The following SLC25A12 variants were observed in gnomAD, a reference collection of about 807,000 sequenced individuals.
SLC25A12 encodes electrogenic aspartate/glutamate antiporter SLC25A12, mitochondrial.
SLC25A12 carries 32 observed loss-of-function variants against 83.3 expected under a neutral mutation model. That is an observed-to-expected ratio of 0.38 (90% confidence interval 0.29 to 0.52). The LOEUF is 0.52. Ranked by LOEUF, SLC25A12 falls within the 20% of genes least tolerant of loss-of-function variation. The probability of loss-of-function intolerance (pLI) is 0.84; values close to 1 mark genes in which losing one functional copy is unlikely to be tolerated. For missense variants in SLC25A12, 611 were observed against 835.6 expected (o/e 0.73, Z 3.31); for synonymous variants, 267 against 291.1 (o/e 0.92, Z 0.84).
chr2:171,866,791 G>T (rs1454685594), intron 3 of SLC25A12, among the ~76,000 whole-genome samples: 21 of 142,006 alleles, frequency 1.5e-4, no homozygotes, highest in African/African-American at 4.4e-4. Flanking sequence ...CCTCCCGGAC[G>T]GGGCGGCTGG....
intron 9 of SLC25A12, among the ~76,000 whole-genome samples, chr2:171,818,112 TA>T (rs2105868412): frequency 6.6e-6 from 1 of 152,322 alleles, no homozygotes; most frequent in Non-Finnish European, 1.5e-5. Context: ...TAAATTAATG[TA>T]ATTAATGCTA....
chr2:171,843,621 G>A (rs1041109494), intron 5 of SLC25A12, among the ~76,000 whole-genome samples: 4 of 151,798 alleles, frequency 2.6e-5, no homozygotes, highest in Admixed American at 1.3e-4. Context: ...AACAGAGCCA[G>A]ACTCTGTCTC....
intron 11 of SLC25A12, among the ~76,000 whole-genome samples, chr2:171,812,045 T>C (rs1683955732): frequency 6.6e-6 from 1 of 152,230 alleles, no homozygotes; most frequent in Non-Finnish European, 1.5e-5. Flanking sequence ...TTCTGGATAT[T>C]GTACGCCTTT....
chr2:171,855,538 G>T (rs1185085851), intron 4 of SLC25A12, among the ~76,000 whole-genome samples: 1 of 151,858 alleles, frequency 6.6e-6, no homozygotes, highest in Non-Finnish European at 1.5e-5. Context: ...GACCTTGTAA[G>T]GAATTTTGCC....
chr2:171,867,587 G>A (rs1685362538), intron 3 of SLC25A12, among the ~76,000 whole-genome samples: 1 of 152,164 alleles, frequency 6.6e-6, no homozygotes, highest in African/African-American at 2.4e-5. Flanking sequence ...GTCCAGCTTC[G>A]GCTCGGCATC....
chr2:171,874,449 C>G (rs773307929), intron 2 of SLC25A12, among the ~76,000 whole-genome samples: 1 of 152,128 alleles, frequency 6.6e-6, no homozygotes, highest in African/African-American at 2.4e-5. Context: ...GATCTTTGTT[C>G]TCGCTCTTCA....
At chr2:171,890,585 A>T (rs1402139545) in intron 2 of SLC25A12, among the ~76,000 whole-genome samples, 1 of 152,050 alleles carries the variant, frequency 6.6e-6, no homozygotes, top group Non-Finnish European at 1.5e-5. Context: ...AGGATCAAGC[A>T]ATCCTCCTAC....
In SLC25A12 at chr2:171,855,797, C is replaced by G. The variant is rs770773250; in HGVS notation, c.325+37G>C. The G allele has an allele frequency of 6.0e-6, 7 of 1,159,094 alleles. No homozygotes were observed. In the South Asian group the frequency reaches 8.5e-5, roughly 14 times the overall value. 71.8% of individuals were successfully genotyped at this position (1,159,094 alleles called of 1,614,324 possible). Reference sequence around the variant, plus strand: ...CAGCAATTGAAGACTGGACCAGCATCATTAACTTATCACTTATAATCTTCT... The same window carrying G: ...CAGCAATTGAAGACTGGACCAGCATGATTAACTTATCACTTATAATCTTCT... On this transcript the variant is annotated intron_variant, in intron 4 of 17. Coordinates refer to ENST00000422440, the MANE Select transcript of SLC25A12 (RefSeq NM_003705.5).
Position 171,837,148 on chromosome 2 carries a change from A to G in SLC25A12, c.585T>C (p.Thr195=). 1 of 1,614,072 alleles carries G rather than the reference A, an allele frequency of 6.2e-7. No individual in the cohort carries two copies. Among genetic ancestry groups the G allele is most frequent in the South Asian group, 1.1e-5 (1 of 91,082 alleles). ...AAACTAAGTTCTCCTCCACAAAAGGAGTAAGCATGTGAGATCTAATGGTAA... is the reference window on the plus strand; with the variant it reads ...AAACTAAGTTCTCCTCCACAAAAGGGGTAAGCATGTGAGATCTAATGGTAA... ...IMVTIRSHML[T]PFVEENLVSA... Residue 195 remains threonine (T), a synonymous_variant, in exon 6 of 18, where the codon ACT becomes ACC. Coordinates refer to ENST00000422440, the MANE Select transcript of SLC25A12 (RefSeq NM_003705.5).
chr2:171,822,926 G>A (rs1460629409), intron 9 of SLC25A12, among the ~76,000 whole-genome samples: 1 of 152,180 alleles, frequency 6.6e-6, no homozygotes, highest in Non-Finnish European at 1.5e-5. Flanking sequence ...CATAATAAAT[G>A]TAAGTAATTA....
chr2:171,826,962 A>G, intron 8 of SLC25A12, 80 bp from the exon 9 acceptor site: 1 of 803,566 alleles, frequency 1.2e-6, no homozygotes, highest in Non-Finnish European at 2.2e-6. Flanking sequence ...AAAAAAAAAA[A>G]CAAAAAACAG....
At chr2:171,866,402 G>A (rs1685304477) in intron 3 of SLC25A12, among the ~76,000 whole-genome samples, 1 of 146,300 alleles carries the variant, frequency 6.8e-6, no homozygotes, top group African/African-American at 2.5e-5. Context: ...CTTCCCAGTA[G>A]GGGCGGCCGG....
In SLC25A12 at chr2:171,786,191, C is replaced by T. The variant is rs1318135475; in HGVS notation, c.1836-716G>A. Reference sequence around the variant, plus strand: ...GAGATCAAGGCTATCCTGGCTAACACGGTGAGACCCCGTCTCTACTAAAAA... The same window carrying T: ...GAGATCAAGGCTATCCTGGCTAACATGGTGAGACCCCGTCTCTACTAAAAA... On this transcript the variant is annotated intron_variant, in intron 17 of 17. Coordinates refer to ENST00000422440, the MANE Select transcript of SLC25A12 (RefSeq NM_003705.5). Among the ~76,000 whole-genome samples the T allele has an allele frequency of 2.0e-5, 3 of 150,522 alleles. No individual in the cohort carries two copies. In the South Asian group the frequency reaches 6.3e-4, roughly 32 times the overall value.
At position 171,813,405 on chromosome 2, in the gene SLC25A12, A is replaced by G. The variant is rs1683987025; in HGVS notation, c.1105T>C (p.Tyr369His). ...GSGSVVGELMYKNSFDCFKKV... is the reference protein window; with the variant it reads ...GSGSVVGELMHKNSFDCFKKV... ...TTAAAACAGTCAAAGCTGTTTTTGTACATTAGCTCCCCAACAACAGAGCCA... is the reference window on the plus strand; with the variant it reads ...TTAAAACAGTCAAAGCTGTTTTTGTGCATTAGCTCCCCAACAACAGAGCCA... Residue 369 changes from tyrosine (Y) to histidine (H), a missense_variant, in exon 11 of 18, where the codon TAC (tyrosine) becomes CAC (histidine). Coordinates refer to ENST00000422440, the MANE Select transcript of SLC25A12 (RefSeq NM_003705.5). The G allele has an allele frequency of 6.2e-7, 1 of 1,614,102 alleles. No individual in the cohort carries two copies. Among genetic ancestry groups the G allele is most frequent in the Non-Finnish European group, 8.5e-7 (1 of 1,179,972 alleles).
chr2:171,794,899 C>T (rs1274203598), intron 13 of SLC25A12, among the ~76,000 whole-genome samples: 4 of 152,128 alleles, frequency 2.6e-5, no homozygotes, highest in Non-Finnish European at 5.9e-5. Context: ...TCACATGCAG[C>T]TTTCAATGGC....
chr2:171,866,689 C>T (rs1685323612), intron 3 of SLC25A12, among the ~76,000 whole-genome samples: 1 of 123,972 alleles, frequency 8.1e-6, no homozygotes, highest in South Asian at 3.0e-4. Context: ...CAGAGGGGCT[C>T]CTCACTTCCC....
chr2:171,799,727 A>G (rs1683670218), intron 13 of SLC25A12, among the ~76,000 whole-genome samples: 1 of 152,198 alleles, frequency 6.6e-6, no homozygotes. Context: ...TCTCTGCCTC[A>G]CCGAGGTCTT....
rs191707233 is a variant in SLC25A12 at position 171,784,719 on chromosome 2, A to G, written c.*555T>C. On this transcript the variant is annotated 3_prime_UTR_variant, in exon 18 of 18. Transcript: ENST00000422440. ...AGTGGTAGCAGCACTATGTCTCGTTATGCCTTTTATCAGCAAATACCTTTT... is the reference window on the plus strand; with the variant it reads ...AGTGGTAGCAGCACTATGTCTCGTTGTGCCTTTTATCAGCAAATACCTTTT... 5.5e-6 allele frequency: 1 copy of G among 180,328 alleles called. No individual in the cohort carries two copies. Among genetic ancestry groups the G allele is most frequent in the African/African-American group, 2.4e-5 (1 of 42,002 alleles). 11.2% of individuals were successfully genotyped at this position (180,328 alleles called of 1,614,324 possible).
At chr2:171,852,178 G>T (rs1018430915) in intron 4 of SLC25A12, among the ~76,000 whole-genome samples, 2 of 152,050 alleles carry the variant, frequency 1.3e-5, no homozygotes, top group Non-Finnish European at 2.9e-5. Context: ...GAGTTTTCAC[G>T]TTCTGAAATG....
Sources: allele counts gnomAD v4.1 joint callset (sites outside exome capture counted in the v4.1 genomes callset), GRCh38; gene constraint gnomAD v4.1.1; transcripts MANE v1.5; gene names NCBI Gene and HGNC (gene_info 2026-07-23, HGNC 2026-07-21).